The following ELP4 variants were observed in gnomAD, a reference collection of about 807,000 sequenced individuals.
ELP4 encodes the protein elongator acetyltransferase complex subunit 4.
ELP4 carries 51 observed loss-of-function variants against 48.9 expected under a neutral mutation model. The ratio of observed to expected loss-of-function variants is 1.04; its 90% CI spans 0.83 to 1.32. ELP4 has a LOEUF of 1.32. Among genes scored for constraint, ELP4 ranks in the 40% most tolerant of loss-of-function variants. The probability of loss-of-function intolerance (pLI) is 0.00; values close to 1 mark genes in which losing one functional copy is unlikely to be tolerated. For missense variants in ELP4, 519 were observed against 514.6 expected (o/e 1.01, Z -0.08); for synonymous variants, 210 against 189.2 (o/e 1.11, Z -0.90).
At chr11:31,708,169 A>G (rs916553584) in intron 9 of ELP4, among the ~76,000 whole-genome samples, 1 of 152,114 alleles carries the variant, frequency 6.6e-6, no homozygotes, top group Non-Finnish European at 1.5e-5. Context: ...CCCCCTAACT[A>G]AATAATTCCT....
At chr11:31,574,456 T>C (rs184302049) in intron 3 of ELP4, among the ~76,000 whole-genome samples, 304 of 152,294 alleles carry the variant, frequency 2.0e-3, no homozygotes, top group African/African-American at 7.0e-3. Context: ...AGCATAGAGT[T>C]TGAGATCTGA....
At chr11:31,685,713 C>T (rs891238301) in intron 9 of ELP4, among the ~76,000 whole-genome samples, 1 of 152,064 alleles carries the variant, frequency 6.6e-6, no homozygotes, top group Non-Finnish European at 1.5e-5. Context: ...GCGCAGATCA[C>T]GAGGTCAAGA....
intron 9 of ELP4, chr11:31,652,533 G>A (rs1211954208): frequency 6.6e-6 from 1 of 151,408 alleles, no homozygotes; most frequent in Admixed American, 6.6e-5. Context: ...CTTTATTGGG[G>A]GTAAAATCAT....
intron 3 of ELP4, among the ~76,000 whole-genome samples, chr11:31,589,049 C>A (rs1957526705): frequency 6.6e-6 from 1 of 152,074 alleles, no homozygotes; most frequent in Non-Finnish European, 1.5e-5. Context: ...TCACATTATA[C>A]TGAGAAAGAA....
intron 3 of ELP4, among the ~76,000 whole-genome samples, chr11:31,570,019 C>T (rs1957169026): frequency 6.6e-6 from 1 of 152,092 alleles, no homozygotes. Flanking sequence ...GGTACATACC[C>T]GGAGGAAAAT....
At chr11:31,583,542 T>C (rs1396588036) in intron 3 of ELP4, among the ~76,000 whole-genome samples, 4 of 152,074 alleles carry the variant, frequency 2.6e-5, no homozygotes, top group Non-Finnish European at 5.9e-5. Context: ...TTCAAAGATG[T>C]GGTGAGCTAT....
At chr11:31,738,265 T>C (rs1483966661) in intron 9 of ELP4, among the ~76,000 whole-genome samples, 2 of 146,244 alleles carry the variant, frequency 1.4e-5, no homozygotes, top group African/African-American at 5.1e-5. Flanking sequence ...AAATTAATAC[T>C]TAGCCAGGCA....
intron 9 of ELP4, among the ~76,000 whole-genome samples, chr11:31,690,744 A>G (rs973429665): frequency 5.9e-5 from 9 of 151,270 alleles, no homozygotes; most frequent in African/African-American, 2.2e-4. Context: ...CATTACTAGT[A>G]ATAGTTAAGG....
At chr11:31,721,606 C>T (rs1022950843) in intron 9 of ELP4, among the ~76,000 whole-genome samples, 6 of 152,004 alleles carry the variant, frequency 3.9e-5, no homozygotes, top group Non-Finnish European at 7.4e-5. Context: ...TCATTCAGCA[C>T]ACTTCTGAAG....
intron 3 of ELP4, among the ~76,000 whole-genome samples, chr11:31,566,363 A>G (rs1957111639): frequency 6.6e-6 from 1 of 152,150 alleles, no homozygotes; most frequent in African/African-American, 2.4e-5. Context: ...ATCTCCAAAA[A>G]AAAAAAAGAT....
At chr11:31,696,156 T>G (rs1946400488) in intron 9 of ELP4, among the ~76,000 whole-genome samples, 1 of 152,166 alleles carries the variant, frequency 6.6e-6, no homozygotes, top group African/African-American at 2.4e-5. Flanking sequence ...GTTTTTTGTG[T>G]CTCTATCTCC....
chr11:31,749,856 ATTTT>A (rs1365172448), intron 9 of ELP4, among the ~76,000 whole-genome samples: 1 of 140,236 alleles, frequency 7.1e-6, no homozygotes. Context: ...CCTTTATGAC[ATTTT>A]TTTTTTTTTT....
intron 3 of ELP4, among the ~76,000 whole-genome samples, chr11:31,569,961 A>G (rs1422864052): frequency 6.6e-6 from 1 of 152,212 alleles, no homozygotes; most frequent in Admixed American, 6.5e-5. Context: ...GAGATTTCCC[A>G]AAGATCTAAG....
chr11:31,742,808 A>G (rs1947486929), intron 9 of ELP4, among the ~76,000 whole-genome samples: 2 of 152,232 alleles, frequency 1.3e-5, no homozygotes, highest in East Asian at 1.9e-4. Flanking sequence ...GCCAAATTGT[A>G]AAGACCATCA....
At chr11:31,674,349 A>G (rs1945873144) in intron 9 of ELP4, among the ~76,000 whole-genome samples, 1 of 152,258 alleles carries the variant, frequency 6.6e-6, no homozygotes, top group Non-Finnish European at 1.5e-5. Flanking sequence ...CTAACAAAAT[A>G]TGGAAAAGAT....
intron 3 of ELP4, among the ~76,000 whole-genome samples, chr11:31,578,357 A>G (rs1012536427): frequency 3.3e-5 from 5 of 152,210 alleles, no homozygotes. Context: ...GAAAATGACT[A>G]TACTGCCCAA....
intron 9 of ELP4, among the ~76,000 whole-genome samples, chr11:31,658,725 T>A (rs1213196918): frequency 6.6e-6 from 1 of 151,946 alleles, no homozygotes; most frequent in Non-Finnish European, 1.5e-5. Context: ...TTCTAAGGTA[T>A]TTTACATTTG....
intron 9 of ELP4, among the ~76,000 whole-genome samples, chr11:31,775,677 AG>A (rs1948229812): frequency 6.6e-6 from 1 of 152,100 alleles, no homozygotes; most frequent in Admixed American, 6.6e-5. Flanking sequence ...TCTACAAAAA[AG>A]CTTAAAGGCC....
At chr11:31,687,776 AT>A (rs1336110361) in intron 9 of ELP4, 2 of 152,140 alleles carry the variant, frequency 1.3e-5, no homozygotes, top group Non-Finnish European at 2.9e-5. Flanking sequence ...GTTGCTTTTG[AT>A]TGCATTTTCA....
Sources: allele counts gnomAD v4.1 joint callset (sites outside exome capture counted in the v4.1 genomes callset), GRCh38; gene constraint gnomAD v4.1.1; transcripts MANE v1.5; gene names NCBI Gene and HGNC (gene_info 2026-07-23, HGNC 2026-07-21).